Variants in TBC1D5 observed in about 807,000 individuals in gnomAD.
The protein encoded by TBC1D5 is TBC1 domain family member 5.
In TBC1D5, 75 loss-of-function variants were observed where a neutral mutation model predicts 100.3. That is an observed-to-expected ratio of 0.75 (90% CI 0.62 to 0.91). TBC1D5 has a LOEUF of 0.91. TBC1D5 is among the 40% of genes least tolerant of loss of function. The pLI, the probability that TBC1D5 is intolerant of heterozygous loss-of-function variation, is 0.00. For synonymous variants in TBC1D5, 323 were observed against 325.6 expected, an observed-to-expected ratio of 0.99 and a Z score of 0.09; for missense variants, 910 against 942.4, an observed-to-expected ratio of 0.97 and a Z score of 0.45.
intron 14 of TBC1D5, among the ~76,000 whole-genome samples, chr3:17,292,582 T>C (rs1420075871): frequency 6.6e-6 from 1 of 152,186 alleles, no homozygotes; most frequent in Admixed American, 6.5e-5. Context: ...GTCATAATTG[T>C]CATAGGTTAA....
chr3:17,593,186 G>C (rs977856769), intron 2 of TBC1D5, among the ~76,000 whole-genome samples: 3 of 152,134 alleles, frequency 2.0e-5, no homozygotes, highest in Admixed American at 6.5e-5. Flanking sequence ...GTTGACAGAG[G>C]AATAGAAGAT....
Position 17,391,562 on chromosome 3 carries a change from CAA to C in TBC1D5, c.510-7549_510-7548del, listed in dbSNP as rs375183258. 1.1e-3 allele frequency among the ~76,000 whole-genome samples: 157 copies of C among 141,570 alleles called. 2 individuals are homozygous for C. In the South Asian group the frequency reaches 0.02, roughly 18 times the overall value. The allele number at this position is 141,570 out of a possible 152,430, so 92.9% of individuals were successfully genotyped here. ...GATATCTGAAACTGGGGTGCTGTTT[CAA>C]AAAAAAAAAATACCTAAAATATGTG... is the stretch of plus-strand genomic sequence containing the variant. On this transcript the variant is annotated intron_variant, in intron 8 of 21. Transcript: ENST00000253692.
intron 13 of TBC1D5, among the ~76,000 whole-genome samples, chr3:17,319,743 A>G (rs551555180): frequency 6.6e-6 from 1 of 152,072 alleles, no homozygotes; most frequent in Non-Finnish European, 1.5e-5. Flanking sequence ...GGTGGCGGGC[A>G]CCTGTAGCTC....
At chr3:17,483,380 A>C (rs2095522975) in intron 3 of TBC1D5, among the ~76,000 whole-genome samples, 1 of 152,218 alleles carries the variant, frequency 6.6e-6, no homozygotes, top group Non-Finnish European at 1.5e-5. Context: ...TTTCTACAGA[A>C]GGTCTAAATG....
chr3:17,577,975 G>A (rs530656319), intron 2 of TBC1D5, among the ~76,000 whole-genome samples: 39 of 152,080 alleles, frequency 2.6e-4, no homozygotes, highest in African/African-American at 8.7e-4. Context: ...CACTAAAAAT[G>A]CCAGCAAGTG....
intron 3 of TBC1D5, among the ~76,000 whole-genome samples, chr3:17,486,016 T>C (rs1559995065): frequency 1.3e-5 from 2 of 151,936 alleles, no homozygotes; most frequent in Non-Finnish European, 2.9e-5. Context: ...GTTTCCTGAC[T>C]TTTTAATGGT....
chr3:17,200,563 C>T (rs2071344326), intron 18 of TBC1D5, among the ~76,000 whole-genome samples: 1 of 152,242 alleles, frequency 6.6e-6, no homozygotes, highest in African/African-American at 2.4e-5. Context: ...CCTGCAACCG[C>T]ATCTGTGGAA....
intron 1 of TBC1D5, among the ~76,000 whole-genome samples, chr3:17,682,041 C>T (rs2153812199): frequency 6.6e-6 from 1 of 151,568 alleles, no homozygotes; most frequent in East Asian, 1.9e-4. Flanking sequence ...ACCATCCCTA[C>T]CCTTCCCCCC....
chr3:17,283,008 T>C (rs541699568), intron 15 of TBC1D5, among the ~76,000 whole-genome samples: 27 of 152,244 alleles, frequency 1.8e-4, no homozygotes, highest in Admixed American at 4.6e-4. Flanking sequence ...GGCCAGGCCC[T>C]GCCTGGTTGC....
chr3:17,734,589 G>A (rs1332034017), intron 1 of TBC1D5, among the ~76,000 whole-genome samples: 1 of 152,156 alleles, frequency 6.6e-6, no homozygotes, highest in Non-Finnish European at 1.5e-5. Context: ...CCTAAAGGAA[G>A]AACAAGACTT....
intron 3 of TBC1D5, among the ~76,000 whole-genome samples, chr3:17,471,674 A>G (rs1328391716): frequency 6.4e-5 from 8 of 125,368 alleles, no homozygotes; most frequent in Non-Finnish European, 1.1e-4. Context: ...CCGTCTCAAA[A>G]AAAAAAAAAA....
chr3:17,408,863 C>T (rs1015402953), intron 4 of TBC1D5, among the ~76,000 whole-genome samples: 3 of 152,118 alleles, frequency 2.0e-5, no homozygotes, highest in African/African-American at 4.8e-5. Context: ...TTCTTAGCCA[C>T]TCCAACATCA....
chr3:17,242,156 C>T (rs1415995669), intron 16 of TBC1D5, among the ~76,000 whole-genome samples: 1 of 152,132 alleles, frequency 6.6e-6, no homozygotes, highest in African/African-American at 2.4e-5. Context: ...TCTAGGGCCT[C>T]CAATGCCTTC....
chr3:17,198,287 C>A (rs1448436824), intron 18 of TBC1D5, among the ~76,000 whole-genome samples: 1 of 152,122 alleles, frequency 6.6e-6, no homozygotes, highest in Non-Finnish European at 1.5e-5. Context: ...ACCCAATCTA[C>A]AGTTGTGGGC....
intron 1 of TBC1D5, among the ~76,000 whole-genome samples, chr3:17,640,353 T>C (rs1222788762): frequency 6.6e-6 from 1 of 152,128 alleles, no homozygotes; most frequent in Non-Finnish European, 1.5e-5. Context: ...TTTAACTTTA[T>C]TAAAACTAAA....
chr3:17,604,720 G>GC (rs2061223918), intron 2 of TBC1D5, among the ~76,000 whole-genome samples: 1 of 152,084 alleles, frequency 6.6e-6, no homozygotes, highest in Admixed American at 6.6e-5. Context: ...TGGCTGTGTT[G>GC]CCCAGTGCTC....
At chr3:17,372,238 T>C (rs200282971) in exon 13 of TBC1D5, 1 of 1,607,288 alleles carries the variant, frequency 6.2e-7, no homozygotes. Context: ...GTCATCAGTG[T>C]TTCTTTCCCC....
intron 8 of TBC1D5, among the ~76,000 whole-genome samples, chr3:17,389,916 A>G (rs1260426505): frequency 6.6e-6 from 1 of 152,088 alleles, no homozygotes. Context: ...TAATTCTATA[A>G]TATTTTTTCT....
At chr3:17,439,027 G>C (rs1329185812) in intron 3 of TBC1D5, among the ~76,000 whole-genome samples, 1 of 152,124 alleles carries the variant, frequency 6.6e-6, no homozygotes, top group Middle Eastern at 3.4e-3. Context: ...AATACCTATA[G>C]AATATTTATA....
Sources: allele counts gnomAD v4.1 joint callset (sites outside exome capture counted in the v4.1 genomes callset), GRCh38; gene constraint gnomAD v4.1.1; transcripts MANE v1.5; gene names NCBI Gene and HGNC (gene_info 2026-07-23, HGNC 2026-07-21).